The following SHROOM4 variants were observed in gnomAD, a reference collection of about 807,000 sequenced individuals.
SHROOM4 encodes the protein protein Shroom4.
SHROOM4 carries 17 observed loss-of-function variants against 80.3 expected under a neutral mutation model. The observed-to-expected ratio is 0.21, with a 90% confidence interval of 0.14 to 0.32. The LOEUF is 0.32. Among genes scored for constraint, SHROOM4 ranks in the 10% least tolerant of loss-of-function variants. SHROOM4 has a pLI of 1.00. For synonymous variants in SHROOM4, 400 were observed against 437.5 expected (o/e 0.91, Z 1.07); for missense variants, 993 against 1,140.3 (o/e 0.87, Z 1.86).
intron 1 of SHROOM4, among the ~76,000 whole-genome samples, chrX:50,720,359 G>A (rs1229081758): frequency 9.0e-6 from 1 of 111,545 alleles, no homozygotes; most frequent in Non-Finnish European, 1.9e-5. Context: ...CAAGAAGACA[G>A]GTAAACAGGC....
At chrX:50,779,209 A>C (rs934746724) in intron 1 of SHROOM4, among the ~76,000 whole-genome samples, 1 of 111,992 alleles carries the variant, frequency 8.9e-6, no homozygotes, top group Non-Finnish European at 1.9e-5. Context: ...TGGTAATCTT[A>C]TTTTACAGAA....
At chrX:50,610,425 C>T (rs1394443311) in intron 5 of SHROOM4, among the ~76,000 whole-genome samples, 1 of 109,081 alleles carries the variant, frequency 9.2e-6, no homozygotes, top group African/African-American at 3.4e-5. Flanking sequence ...CAAACGTGTA[C>T]CAGGCAGAGA....
chrX:50,646,054 A>G (rs1411445608), intron 2 of SHROOM4, among the ~76,000 whole-genome samples: 2 of 111,842 alleles, frequency 1.8e-5, no homozygotes, highest in African/African-American at 6.5e-5. Flanking sequence ...TACTTGGGAG[A>G]AGATGAGCAG....
intron 1 of SHROOM4, among the ~76,000 whole-genome samples, chrX:50,742,717 T>A (rs1221355833): frequency 9.1e-6 from 1 of 110,493 alleles, no homozygotes; most frequent in Non-Finnish European, 1.9e-5. Context: ...CAACATGACT[T>A]ATCTCATTGA....
chrX:50,777,431 C>A (rs1557270234), intron 1 of SHROOM4, among the ~76,000 whole-genome samples: 1 of 112,037 alleles, frequency 8.9e-6, no homozygotes, highest in African/African-American at 3.2e-5. Flanking sequence ...ATGTTTTCTA[C>A]AATGTTATTT....
intron 2 of SHROOM4, among the ~76,000 whole-genome samples, chrX:50,675,542 G>C (rs782724705): frequency 1.8e-5 from 2 of 110,578 alleles, no homozygotes; most frequent in Non-Finnish European, 3.8e-5. Context: ...GTTTCTGGAT[G>C]GGGGGAAAGT....
At chrX:50,770,203 C>T (rs1344227943) in intron 1 of SHROOM4, among the ~76,000 whole-genome samples, 1 of 111,493 alleles carries the variant, frequency 9.0e-6, no homozygotes, top group African/African-American at 3.3e-5. Flanking sequence ...TAGGTACACT[C>T]AGAGGAGATA....
intron 1 of SHROOM4, among the ~76,000 whole-genome samples, chrX:50,712,979 G>A (rs1280280165): frequency 2.7e-5 from 3 of 111,315 alleles, no homozygotes; most frequent in African/African-American, 9.8e-5. Context: ...CCCCTACCTG[G>A]TTTGAGGTAA....
downstream of SHROOM4, among the ~76,000 whole-genome samples, chrX:50,582,496 CCTT>C (rs1391160671): frequency 2.7e-5 from 3 of 112,065 alleles, no homozygotes; most frequent in Non-Finnish European, 5.6e-5. Flanking sequence ...TGTTCCCTCT[CCTT>C]CTTCACTTCA....
chrX:50,704,738 A>G (rs1933612820), intron 1 of SHROOM4, among the ~76,000 whole-genome samples: 1 of 111,359 alleles, frequency 9.0e-6, no homozygotes, highest in Non-Finnish European at 1.9e-5. Context: ...TGTCCAGCTT[A>G]CTAGGAGCCT....
intron 1 of SHROOM4, among the ~76,000 whole-genome samples, chrX:50,764,184 G>A (rs1028407865): frequency 9.0e-6 from 1 of 111,284 alleles, no homozygotes; most frequent in Non-Finnish European, 1.9e-5. Flanking sequence ...TATGGTAGTA[G>A]TCTGATTCTA....
intron 2 of SHROOM4, among the ~76,000 whole-genome samples, chrX:50,691,927 C>A (rs975235969): frequency 1.8e-5 from 2 of 111,346 alleles, no homozygotes; most frequent in Non-Finnish European, 3.8e-5. Flanking sequence ...AAGTTTTCCA[C>A]AAGAGGGCAG....
the SHROOM4 span, among the ~76,000 whole-genome samples, chrX:50,579,806 G>A: frequency 1.8e-5 from 2 of 111,305 alleles, no homozygotes; most frequent in Admixed American, 1.9e-4. Flanking sequence ...GCCTTTGGGT[G>A]GTGTCTAGGG....
intron 2 of SHROOM4, among the ~76,000 whole-genome samples, chrX:50,647,604 A>G (rs1320627746): frequency 1.8e-5 from 2 of 111,703 alleles, no homozygotes; most frequent in African/African-American, 6.5e-5. Context: ...TGTAGGAATA[A>G]TACCAGTTTT....
chrX:50,681,217 C>T (rs782124361), intron 2 of SHROOM4, among the ~76,000 whole-genome samples: 4 of 111,324 alleles, frequency 3.6e-5, no homozygotes, highest in Middle Eastern at 4.6e-3. Flanking sequence ...ACAGCAGCCA[C>T]GGTGATCATC....
At chrX:50,734,409 C>CT (rs1183611878) in intron 1 of SHROOM4, among the ~76,000 whole-genome samples, 1 of 110,813 alleles carries the variant, frequency 9.0e-6, no homozygotes, top group Non-Finnish European at 1.9e-5. Flanking sequence ...CTTTCTTTTT[C>CT]TTTTTTCTTA....
intron 1 of SHROOM4, among the ~76,000 whole-genome samples, chrX:50,764,061 C>T (rs1935217934): frequency 8.9e-6 from 1 of 111,822 alleles, no homozygotes; most frequent in African/African-American, 3.3e-5. Context: ...GTGAGTTTTT[C>T]CATTCTCTGT....
At chrX:50,807,687 T>C (rs1313888819) in intron 1 of SHROOM4, among the ~76,000 whole-genome samples, 1 of 111,598 alleles carries the variant, frequency 9.0e-6, no homozygotes, top group African/African-American at 3.3e-5. Context: ...GGCTTATATC[T>C]TCTCTCTCAT....
chrX:50,584,524 T>A (rs1444432983), downstream of SHROOM4, among the ~76,000 whole-genome samples: 1 of 111,810 alleles, frequency 8.9e-6, no homozygotes, highest in Non-Finnish European at 1.9e-5. Flanking sequence ...GGCTACAGCA[T>A]GAACAGTCTA....
Sources: allele counts gnomAD v4.1 joint callset (sites outside exome capture counted in the v4.1 genomes callset), GRCh38; gene constraint gnomAD v4.1.1; transcripts MANE v1.5; gene names NCBI Gene and HGNC (gene_info 2026-07-23, HGNC 2026-07-21).